Variants in RBMS1 observed in about 807,000 individuals in gnomAD.
RBMS1 encodes the protein RNA binding motif single stranded interacting protein 1, also known as RNA-binding motif, single-stranded-interacting protein 1.
A neutral mutation model predicts 62.3 loss-of-function variants in RBMS1; 17 were observed. That is an observed-to-expected ratio of 0.27 (90% CI 0.19 to 0.41). The LOEUF (loss-of-function observed/expected upper bound fraction) is 0.41. RBMS1 is among the 10% of genes least tolerant of loss of function. The pLI is 1.00. For missense variants in RBMS1, 334 were observed against 504.5 expected, an observed-to-expected ratio of 0.66 and a Z score of 3.24; for synonymous variants, 172 against 170.0, an observed-to-expected ratio of 1.01 and a Z score of -0.09.
intron 2 of RBMS1, among the ~76,000 whole-genome samples, chr2:160,329,042 A>G (rs1691107524): frequency 6.6e-6 from 1 of 152,210 alleles, no homozygotes; most frequent in Non-Finnish European, 1.5e-5. Flanking sequence ...CTAAAAAGGC[A>G]AGAGTCAAAT....
chr2:160,278,532 A>AT lies in RBMS1; in HGVS notation c.1062+15dup. 6.3e-7 allele frequency: 1 copy of AT among 1,594,674 alleles called. No homozygotes were observed. Among genetic ancestry groups the AT allele is most frequent in the South Asian group, 1.1e-5 (1 of 90,358 alleles). On this transcript the variant is annotated intron_variant, in intron 11 of 13. Transcript: ENST00000348849. ...CCTCTGTTTACAGAGACACATGATA[A>AT]TTATTTGCCACCTACTGTTCCGGTG...
rs1286411996 is a variant in RBMS1, at chr2:160,272,614, C to T, written c.*2158G>A. The T allele has an allele frequency of 6.6e-6, 1 of 151,846 alleles. No individual in the cohort carries two copies. The highest frequency in any genetic ancestry group is 1.5e-5 in the Non-Finnish European group (1 of 67,978). 9.4% of individuals were successfully genotyped at this position (151,846 alleles called of 1,614,324 possible). Reference sequence around the variant, plus strand: ...TATCAAATTTCTGTCTTAACTAATGCAAAAATATCAAGTAGTGAGAGACCC... The same window carrying T: ...TATCAAATTTCTGTCTTAACTAATGTAAAAATATCAAGTAGTGAGAGACCC... On this transcript the variant is annotated 3_prime_UTR_variant, in exon 14 of 14. Coordinates refer to ENST00000348849, the MANE Select transcript of RBMS1 (RefSeq NM_016836.4).
At chr2:160,477,240 C>T (rs1024504657) in intron 1 of RBMS1, among the ~76,000 whole-genome samples, 1 of 152,020 alleles carries the variant, frequency 6.6e-6, no homozygotes. Flanking sequence ...TCAGCTACTT[C>T]GGAGGCCGAT....
chr2:160,458,143 T>G (rs1454822462), intron 1 of RBMS1, among the ~76,000 whole-genome samples: 1 of 152,022 alleles, frequency 6.6e-6, no homozygotes, highest in Non-Finnish European at 1.5e-5. Context: ...TTTTTATTTT[T>G]CATAGAGATA....
At chr2:160,375,650 T>C (rs893133915) in intron 1 of RBMS1, among the ~76,000 whole-genome samples, 13 of 152,034 alleles carry the variant, frequency 8.6e-5, no homozygotes, top group Non-Finnish European at 1.8e-4. Context: ...CAAAACCACT[T>C]TAAAAGAAAA....
At chr2:160,448,786 A>C (rs1394714989) in intron 1 of RBMS1, among the ~76,000 whole-genome samples, 4 of 134,610 alleles carry the variant, frequency 3.0e-5, no homozygotes, top group Non-Finnish European at 4.7e-5. Flanking sequence ...CCCTCTGCCC[A>C]GCCACCCAGT....
intron 6 of RBMS1, among the ~76,000 whole-genome samples, chr2:160,299,289 A>G (rs542181261): frequency 9.2e-5 from 14 of 152,330 alleles, no homozygotes; most frequent in Non-Finnish European, 4.4e-5. Context: ...AAAGACTTAA[A>G]TGATTTCAAA....
chr2:160,379,045 C>A (rs1375623361), intron 1 of RBMS1, among the ~76,000 whole-genome samples: 1 of 152,040 alleles, frequency 6.6e-6, no homozygotes, highest in African/African-American at 2.4e-5. Flanking sequence ...CATGGCAAAA[C>A]CCTATCTCTA....
At chr2:160,400,816 G>C (rs1475523192) in intron 1 of RBMS1, among the ~76,000 whole-genome samples, 1 of 152,120 alleles carries the variant, frequency 6.6e-6, no homozygotes, top group Admixed American at 6.5e-5. Context: ...TAGGACAGGA[G>C]TTTGCAGGAA....
At chr2:160,414,472 G>T (rs1313482648) in intron 1 of RBMS1, among the ~76,000 whole-genome samples, 1 of 152,026 alleles carries the variant, frequency 6.6e-6, no homozygotes, top group East Asian at 1.9e-4. Context: ...AAGGGTGAGA[G>T]ACCATATTAG....
At chr2:160,383,510 T>G (rs1694400951) in intron 1 of RBMS1, among the ~76,000 whole-genome samples, 2 of 152,020 alleles carry the variant, frequency 1.3e-5, no homozygotes, top group Non-Finnish European at 2.9e-5. Flanking sequence ...ATTTTATTTT[T>G]AAAAAATAGA....
rs1324311671 is a variant in RBMS1, at chr2:160,407,363, C to A, written c.76-39972G>T. 2.0e-5 allele frequency: 20 copies of A among 985,644 alleles called. No homozygotes were observed. In the East Asian group the frequency reaches 2.2e-3, roughly 106 times the overall value. The allele number at this position is 985,644 out of a possible 1,614,324, so 61.1% of individuals were successfully genotyped here. Reference sequence around the variant, plus strand: ...GCCTTCCTGGGAAACAAGGTCACCGCCCAGCCGGTCCCTCCGAGGAGGCGC... The same window carrying A: ...GCCTTCCTGGGAAACAAGGTCACCGACCAGCCGGTCCCTCCGAGGAGGCGC... On this transcript the variant is annotated intron_variant, in intron 1 of 13. Transcript: ENST00000348849.
chr2:160,355,336 T>C (rs191457829), intron 2 of RBMS1, among the ~76,000 whole-genome samples: 3 of 152,202 alleles, frequency 2.0e-5, no homozygotes, highest in Admixed American at 2.0e-4. Flanking sequence ...TTCTGTTTAA[T>C]AGCCACACCA....
intron 2 of RBMS1, among the ~76,000 whole-genome samples, chr2:160,354,357 A>G (rs1045965004): frequency 6.6e-6 from 1 of 152,132 alleles, no homozygotes; most frequent in African/African-American, 2.4e-5. Flanking sequence ...GTGGAGGAAA[A>G]TCTAAGAAAC....
chr2:160,459,116 G>C (rs990938711), intron 1 of RBMS1, among the ~76,000 whole-genome samples: 1 of 152,136 alleles, frequency 6.6e-6, no homozygotes, highest in African/African-American at 2.4e-5. Context: ...GATTGTTTGG[G>C]TTAGGGTCGG....
Position 160,408,675 on chromosome 2 carries a change from G to C in RBMS1, c.76-41284C>G, listed in dbSNP as rs1204320986. On this transcript the variant is annotated intron_variant, in intron 1 of 13. Coordinates refer to ENST00000348849, the MANE Select transcript of RBMS1 (RefSeq NM_016836.4). Reference sequence around the variant, plus strand: ...GGACACAGAAACTCGGCAAAAAAGAGACAAAGGGAGGAGGGACTTCCCTTT... The same window carrying C: ...GGACACAGAAACTCGGCAAAAAAGACACAAAGGGAGGAGGGACTTCCCTTT... 3 of 152,156 alleles carry C rather than the reference G, an allele frequency of 2.0e-5. No homozygotes were observed. The East Asian group carries it at 5.8e-4, about 29-fold the overall frequency. 9.4% of individuals were successfully genotyped at this position (152,156 alleles called of 1,614,324 possible).
At chr2:160,294,982 T>C (rs978513421) in intron 6 of RBMS1, among the ~76,000 whole-genome samples, 1 of 147,614 alleles carries the variant, frequency 6.8e-6, no homozygotes, top group Non-Finnish European at 1.5e-5. Flanking sequence ...ATACACAAAC[T>C]GGTACTCAAA....
intron 2 of RBMS1, among the ~76,000 whole-genome samples, chr2:160,336,728 T>C (rs971129461): frequency 2.6e-5 from 4 of 151,594 alleles, no homozygotes; most frequent in African/African-American, 9.7e-5. Flanking sequence ...CAGTGTGTAT[T>C]TTATACTGCC....
intron 2 of RBMS1, among the ~76,000 whole-genome samples, chr2:160,323,421 A>G (rs1690692231): frequency 6.6e-6 from 1 of 151,864 alleles, no homozygotes. Flanking sequence ...GGTTGCAATG[A>G]GCCAGGACTG....
Sources: gnomAD v4.1 joint callset for allele counts (sites outside exome capture counted in the v4.1 genomes callset) on GRCh38, gnomAD v4.1.1 for gene constraint, MANE v1.5 for transcripts, NCBI Gene and HGNC (gene_info 2026-07-23, HGNC 2026-07-21) for gene names.